The following CDH12 variants were observed in gnomAD, a reference collection of about 807,000 sequenced individuals.
CDH12 encodes the protein cadherin-12.
In CDH12, 41 loss-of-function variants were observed where a neutral mutation model predicts 74.1. The ratio of observed to expected loss-of-function variants is 0.55; its 90% confidence interval spans 0.43 to 0.72. The LOEUF is 0.72. CDH12 is among the 30% of genes least tolerant of loss of function. The pLI is 0.00. For missense variants in CDH12, 945 were observed against 977.2 expected (o/e 0.97, Z 0.44); for synonymous variants, 399 against 355.0 (o/e 1.12, Z -1.39).
At chr5:22,642,729 C>T (rs1448356688) in intron 1 of CDH12, among the ~76,000 whole-genome samples, 2 of 151,868 alleles carry the variant, frequency 1.3e-5, no homozygotes, top group Non-Finnish European at 2.9e-5. Flanking sequence ...CAGAGTAACA[C>T]CTTTATAGGA....
At chr5:21,808,500 G>A (rs930695325) in intron 9 of CDH12, among the ~76,000 whole-genome samples, 2 of 151,742 alleles carry the variant, frequency 1.3e-5, no homozygotes, top group African/African-American at 4.8e-5. Context: ...GTCAATGAAC[G>A]CAAATGATCC....
chr5:21,950,387 G>A (rs563815570), intron 6 of CDH12, among the ~76,000 whole-genome samples: 5 of 151,934 alleles, frequency 3.3e-5, no homozygotes, highest in East Asian at 3.9e-4. Context: ...ACATGTTTAC[G>A]TAACCCATTG....
intron 1 of CDH12, among the ~76,000 whole-genome samples, chr5:22,777,975 T>C (rs1055579820): frequency 6.6e-6 from 1 of 151,962 alleles, no homozygotes; most frequent in African/African-American, 2.4e-5. Context: ...CAAGCTAATT[T>C]TTGTATTTTT....
At chr5:21,783,565 T>G in intron 10 of CDH12, 71 bp from the exon 11 acceptor site, 1 of 1,151,592 alleles carries the variant, frequency 8.7e-7, no homozygotes, top group Non-Finnish European at 1.3e-6. Flanking sequence ...TAGGCTAACT[T>G]GACACAGTTC....
chr5:22,476,132 C>T (rs1321667798), intron 2 of CDH12, among the ~76,000 whole-genome samples: 1 of 151,920 alleles, frequency 6.6e-6, no homozygotes, highest in Non-Finnish European at 1.5e-5. Context: ...ATGTATTTAT[C>T]ACTGTCACTA....
intron 11 of CDH12, among the ~76,000 whole-genome samples, chr5:21,773,611 C>T (rs1029535000): frequency 1.1e-4 from 17 of 152,148 alleles, no homozygotes; most frequent in Non-Finnish European, 1.5e-5. Flanking sequence ...GGTGTTGAGA[C>T]TTGCACTGGC....
chr5:22,639,180 G>A (rs1277953784), intron 1 of CDH12, among the ~76,000 whole-genome samples: 2 of 151,534 alleles, frequency 1.3e-5, no homozygotes, highest in South Asian at 2.1e-4. Flanking sequence ...GATACTTCAG[G>A]GACTGAGGAT....
intron 1 of CDH12, among the ~76,000 whole-genome samples, chr5:22,738,812 C>A (rs1744872397): frequency 6.6e-6 from 1 of 151,868 alleles, no homozygotes; most frequent in Non-Finnish European, 1.5e-5. Context: ...AATAAGCTAC[C>A]AATTGACATT....
chr5:22,330,306 T>G lies in CDH12; in HGVS notation c.-333+74951A>C, dbSNP rs562839533. ...GAAGGATCCAGTACTGGCAGGATAT[T>G]ACCTGCTGACTAAAGAACCCTTGGG... is the stretch of plus-strand genomic sequence containing the variant. On this transcript the variant is annotated intron_variant, in intron 3 of 14. Transcript: ENST00000382254. 2.0e-5 allele frequency among the ~76,000 whole-genome samples: 3 copies of G among 152,186 alleles called. No homozygotes were observed. In the South Asian group the frequency reaches 6.2e-4, roughly 32 times the overall value.
chr5:22,836,330 A>G (rs983949719), intron 1 of CDH12, among the ~76,000 whole-genome samples: 4 of 140,648 alleles, frequency 2.8e-5, no homozygotes, highest in Non-Finnish European at 1.5e-5. Flanking sequence ...TTCAAGTGAT[A>G]CTCCTGCCTC....
chr5:22,735,856 T>C (rs1172530682), intron 1 of CDH12, among the ~76,000 whole-genome samples: 1 of 151,882 alleles, frequency 6.6e-6, no homozygotes, highest in East Asian at 1.9e-4. Context: ...TTGTTGGAGT[T>C]ATTGAAAATT....
chr5:21,796,217 A>T (rs1746771565), intron 10 of CDH12, among the ~76,000 whole-genome samples: 1 of 152,048 alleles, frequency 6.6e-6, no homozygotes, highest in South Asian at 2.1e-4. Context: ...TTGAAAATGC[A>T]TCTAAGACAC....
At chr5:21,915,824 G>GTGTA (rs1554043856) in intron 6 of CDH12, among the ~76,000 whole-genome samples, 107 of 115,056 alleles carry the variant, frequency 9.3e-4, no homozygotes, top group African/African-American at 4.5e-3. Flanking sequence ...CATTTGTGCT[G>GTGTA]TGTGTGTGTG....
chr5:22,035,713 T>TACAC (rs149918147), intron 5 of CDH12, among the ~76,000 whole-genome samples: 4,624 of 143,298 alleles, frequency 0.032, 88 homozygotes, highest in African/African-American at 0.06. Flanking sequence ...ACTTCACACA[T>TACAC]ACACACACAC....
intron 8 of CDH12, among the ~76,000 whole-genome samples, chr5:21,832,959 TATG>T (rs1215388055): frequency 1.4e-4 from 13 of 94,234 alleles, no homozygotes; most frequent in Admixed American, 5.3e-4. Flanking sequence ...TATTATGTAA[TATG>T]ATATATGATA....
chr5:21,869,872 C>T (rs1751523776), intron 6 of CDH12, among the ~76,000 whole-genome samples: 1 of 151,992 alleles, frequency 6.6e-6, no homozygotes, highest in South Asian at 2.1e-4. Context: ...TTAAGGAATA[C>T]CTAGTGGTAT....
rs185331193 is a variant in CDH12 at position 22,842,376 on chromosome 5, G to C, written c.-523+10682C>G. On this transcript the variant is annotated intron_variant, in intron 1 of 14. Coordinates refer to ENST00000382254, the MANE Select transcript of CDH12 (RefSeq NM_004061.5). ...GACCCTGTAAACATGAATGACAGTA[G>C]GTTGTAGTGTCTGAGAGGAGGGATT... is the stretch of plus-strand genomic sequence containing the variant. 2.0e-3 allele frequency among the ~76,000 whole-genome samples: 312 copies of C among 152,236 alleles called. 1 individual carries two copies. The highest frequency in any genetic ancestry group is 7.3e-3 in the African/African-American group (302 of 41,552).
At chr5:22,734,133 A>G (rs537523384) in intron 1 of CDH12, among the ~76,000 whole-genome samples, 3 of 152,126 alleles carry the variant, frequency 2.0e-5, no homozygotes, top group East Asian at 3.9e-4. Flanking sequence ...ATCTGATTCT[A>G]TAATCTCCTT....
chr5:22,290,539 G>C (rs1221998075), intron 3 of CDH12, among the ~76,000 whole-genome samples: 1 of 152,158 alleles, frequency 6.6e-6, no homozygotes, highest in African/African-American at 2.4e-5. Context: ...CAGCAGAATT[G>C]TTCAAACAGG....
Sources: gnomAD v4.1 joint callset for allele counts (sites outside exome capture counted in the v4.1 genomes callset) on GRCh38, gnomAD v4.1.1 for gene constraint, MANE v1.5 for transcripts, NCBI Gene and HGNC (gene_info 2026-07-23, HGNC 2026-07-21) for gene names.